The following DMD variants were observed in gnomAD, a reference collection of about 807,000 sequenced individuals.
The protein encoded by DMD is dystrophin.
In DMD, 63 loss-of-function variants were observed where a neutral mutation model predicts 330.1. The ratio of observed to expected loss-of-function variants is 0.19; its 90% CI spans 0.16 to 0.24. The LOEUF is 0.24. Ranked by LOEUF, DMD falls within the 10% of genes least tolerant of loss-of-function variation. The pLI, the probability that DMD is intolerant of heterozygous loss-of-function variation, is 1.00. For missense variants in DMD, 3,344 were observed against 2,684.1 expected, an observed-to-expected ratio of 1.25 and a Z score of -5.43; for synonymous variants, 1,223 against 959.8, an observed-to-expected ratio of 1.27 and a Z score of -5.07.
At chrX:32,731,082 G>C (rs7061609) in intron 7 of DMD, among the ~76,000 whole-genome samples, 1,448 of 111,950 alleles carry the variant, frequency 0.013, 18 homozygotes, top group African/African-American at 0.045. Flanking sequence ...AGCAGGGTGA[G>C]GCATTGCCTC....
Position 31,329,845 on chromosome X carries a change from C to G in DMD, c.9164-6187G>C, listed in dbSNP as rs187562227. Among the ~76,000 whole-genome samples the G allele has an allele frequency of 4.2e-4, 45 of 107,769 alleles. 1 individual carries two copies. In the East Asian group the frequency reaches 5.2e-3, roughly 13 times the overall value. 93.6% of individuals were successfully genotyped at this position (107,769 alleles called of 115,157 possible). A position where few individuals can be genotyped will look rare whatever the true frequency, so the allele number is the denominator to read the frequency against. On this transcript the variant is annotated intron_variant, in intron 61 of 78. Coordinates refer to ENST00000357033, the MANE Select transcript of DMD (RefSeq NM_004006.3). ...AATTAGCTGGGCGAGGTGGCGCGCACCTATAGTCCCAGCTACTCGGGAGGC... is the reference window on the plus strand; with the variant it reads ...AATTAGCTGGGCGAGGTGGCGCGCAGCTATAGTCCCAGCTACTCGGGAGGC...
chrX:32,043,741 T>C (rs2096031740), intron 44 of DMD, among the ~76,000 whole-genome samples: 1 of 111,951 alleles, frequency 8.9e-6, no homozygotes, highest in African/African-American at 3.2e-5. Context: ...CTAATAGTGA[T>C]GCAATAAACC....
intron 15 of DMD, among the ~76,000 whole-genome samples, 169 bp downstream of exon 15, chrX:32,573,361 G>A (rs72468694): frequency 1.8e-5 from 2 of 111,516 alleles, no homozygotes; most frequent in Non-Finnish European, 3.8e-5. Flanking sequence ...TCCACCTATA[G>A]TTTTTTCCCA....
chrX:31,621,572 C>A (rs2078533583), intron 55 of DMD, among the ~76,000 whole-genome samples: 1 of 111,747 alleles, frequency 8.9e-6, no homozygotes, highest in Admixed American at 9.5e-5. Flanking sequence ...CAATAGTCTG[C>A]CTCTCTGGTA....
chrX:33,140,992 T>C (rs1256240946), intron 1 of DMD, among the ~76,000 whole-genome samples: 1 of 112,196 alleles, frequency 8.9e-6, no homozygotes, highest in Non-Finnish European at 1.9e-5. Context: ...TTCCCCTAGA[T>C]AATAATTGTT....
intron 59 of DMD, among the ~76,000 whole-genome samples, chrX:31,461,952 C>T (rs1167928435): frequency 6.3e-5 from 7 of 111,417 alleles, no homozygotes; most frequent in Non-Finnish European, 1.3e-4. Flanking sequence ...TAACCCATAT[C>T]CCAGGAGTGG....
At position 32,310,141 on chromosome X, in the gene DMD, C is replaced by A. The variant is rs765460659; in HGVS notation, c.6058G>T (p.Ala2020Ser). Reference sequence around the variant, plus strand: ...AAGTCCTTAGCACAGAGGTCAGGAGCATTGAGAAGTTGTTCCACTTCTAAT... The same window carrying A: ...AAGTCCTTAGCACAGAGGTCAGGAGAATTGAGAAGTTGTTCCACTTCTAAT... The part of the protein sequence containing the change: ...ALLEVEQLLN[A>S]PDLCAKDFED... Residue 2020 changes from alanine to serine, a missense_variant, in exon 42 of 79, where the codon GCT (alanine) becomes TCT (serine). Ala to Ser is a moderately conservative substitution (Grantham distance 99). Coordinates refer to ENST00000357033, the MANE Select transcript of DMD (RefSeq NM_004006.3). 8.3e-7 allele frequency: 1 copy of A among 1,209,435 alleles called. No homozygotes were observed. The highest frequency in any genetic ancestry group is 1.1e-6 in the Non-Finnish European group (1 of 893,895).
intron 44 of DMD, among the ~76,000 whole-genome samples, chrX:32,054,086 T>TGA (rs1198596173): frequency 2.4e-3 from 191 of 78,966 alleles, no homozygotes; most frequent in African/African-American, 8.0e-3. Context: ...TGTGTGTGTG[T>TGA]GTGAGAGAGA....
chrX:31,901,437 G>T (rs972574111), intron 47 of DMD, among the ~76,000 whole-genome samples: 2 of 111,500 alleles, frequency 1.8e-5, no homozygotes, highest in Non-Finnish European at 3.8e-5. Context: ...GCCTTCTTTT[G>T]TGGTCCAAGG....
In DMD at chrX:31,120,106, G is replaced by C. The variant is rs1287394910; in HGVS notation, c.*1813C>G. The C allele has an allele frequency of 9.0e-6, 1 of 111,467 alleles. No homozygotes were observed. The highest frequency in any genetic ancestry group is 3.3e-5 in the African/African-American group (1 of 30,593). The allele number at this position is 111,467 out of a possible 1,213,427, so 9.2% of individuals were successfully genotyped here. On this transcript the variant is annotated 3_prime_UTR_variant, in exon 79 of 79. Transcript: ENST00000357033. ...CACTCTCCAAAAGCTAATTACACTT[G>C]ATGTCAGAGGTAACAGATTTGCAAA... is the stretch of plus-strand genomic sequence containing the variant.
intron 44 of DMD, among the ~76,000 whole-genome samples, chrX:31,998,432 A>G (rs2095604064): frequency 8.9e-6 from 1 of 112,045 alleles, no homozygotes; most frequent in Admixed American, 9.5e-5. Flanking sequence ...TTTAGCCCAG[A>G]CGGCCTGACA....
rs191910109 is a variant in DMD at position 32,393,133 on chromosome X, G to A, written c.4234-2952C>T. Among the ~76,000 whole-genome samples the A allele has an allele frequency of 3.4e-3, 377 of 111,988 alleles. 1 individual carries two copies. Among genetic ancestry groups the A allele is most frequent in the African/African-American group, 0.012 (359 of 30,862 alleles). ...AGTCAAAACTTTATTACTGCCCTTG[G>A]ATTCTATGACACATTCCTGTTTCCA... On this transcript the variant is annotated intron_variant, in intron 30 of 78. Coordinates refer to ENST00000357033, the MANE Select transcript of DMD (RefSeq NM_004006.3).
At chrX:32,756,192 G>A (rs1362740172) in intron 7 of DMD, 3 of 111,956 alleles carry the variant, frequency 2.7e-5, no homozygotes, top group African/African-American at 9.7e-5. Context: ...GGCTCAACAA[G>A]AAATTCAGTC....
At chrX:31,303,875 C>T (rs779834288) in intron 62 of DMD, among the ~76,000 whole-genome samples, 7 of 111,842 alleles carry the variant, frequency 6.3e-5, no homozygotes, top group African/African-American at 1.3e-4. Context: ...ATTATCTATT[C>T]CCTGGCTATA....
chrX:32,767,712 G>A (rs905743099), intron 7 of DMD, among the ~76,000 whole-genome samples: 3 of 111,523 alleles, frequency 2.7e-5, no homozygotes, highest in Non-Finnish European at 5.7e-5. Flanking sequence ...TTTTTGTAAG[G>A]ATTATAACTA....
intron 44 of DMD, among the ~76,000 whole-genome samples, chrX:32,181,556 C>T (rs751555961): frequency 1.8e-5 from 2 of 111,199 alleles, no homozygotes; most frequent in East Asian, 5.7e-4. Flanking sequence ...TATGAACAAC[C>T]CAGAATATTA....
chrX:33,033,941 A>G (rs2094162282), intron 1 of DMD, among the ~76,000 whole-genome samples: 1 of 112,050 alleles, frequency 8.9e-6, no homozygotes. Flanking sequence ...CATAAATTGT[A>G]AACTTTATTT....
chrX:32,594,582 T>A (rs1322323587), intron 13 of DMD, among the ~76,000 whole-genome samples: 2 of 111,455 alleles, frequency 1.8e-5, no homozygotes, highest in African/African-American at 6.5e-5. Context: ...CAGTCCAGTA[T>A]TAAACATATT....
chrX:33,040,626 A>G (rs755946978), intron 1 of DMD, among the ~76,000 whole-genome samples: 1 of 110,981 alleles, frequency 9.0e-6, no homozygotes. Context: ...TGCTACAGCA[A>G]CAACAACCCC....
Sources: allele counts gnomAD v4.1 joint callset (sites outside exome capture counted in the v4.1 genomes callset), GRCh38; gene constraint gnomAD v4.1.1; transcripts MANE v1.5; gene names NCBI Gene and HGNC (gene_info 2026-07-23, HGNC 2026-07-21).